Variants in OTUD7A observed in about 807,000 individuals in gnomAD.
OTUD7A encodes the protein OTU deubiquitinase 7A.
In OTUD7A, 12 loss-of-function variants were observed where a neutral mutation model predicts 65.7. That is an observed-to-expected ratio of 0.18 (90% CI 0.12 to 0.30). The LOEUF (loss-of-function observed/expected upper bound fraction) is 0.30. Ranked by LOEUF, OTUD7A falls within the 10% of genes least tolerant of loss-of-function variation. The pLI is 1.00. For synonymous variants in OTUD7A, 641 were observed against 586.3 expected (o/e 1.09, Z -1.35); for missense variants, 1,148 against 1,304.8 (o/e 0.88, Z 1.85).
chr15:31,488,756 A>G (rs1362307181), intron 10 of OTUD7A, among the ~76,000 whole-genome samples: 1 of 152,214 alleles, frequency 6.6e-6, no homozygotes, highest in Non-Finnish European at 1.5e-5. Flanking sequence ...AACTGACTCA[A>G]TGCTGCCCTC....
At chr15:31,604,531 C>G (rs914655848) in intron 3 of OTUD7A, among the ~76,000 whole-genome samples, 1 of 149,562 alleles carries the variant, frequency 6.7e-6, no homozygotes, top group African/African-American at 2.5e-5. Flanking sequence ...CACCATGGCA[C>G]GTGTATACCT....
At chr15:31,603,402 T>G (rs1251536832) in intron 3 of OTUD7A, among the ~76,000 whole-genome samples, 2 of 152,154 alleles carry the variant, frequency 1.3e-5, no homozygotes, top group Non-Finnish European at 2.9e-5. Context: ...TGCAGAAAAC[T>G]GAAACTGGAC....
intron 8 of OTUD7A, among the ~76,000 whole-genome samples, chr15:31,513,747 C>A (rs956547499): frequency 1.3e-5 from 2 of 152,214 alleles, no homozygotes; most frequent in Non-Finnish European, 2.9e-5. Context: ...ACCTGGACCA[C>A]TCCTTAAGGT....
At chr15:31,781,742 T>C (rs1178598197) in intron 1 of OTUD7A, among the ~76,000 whole-genome samples, 2 of 152,224 alleles carry the variant, frequency 1.3e-5, no homozygotes, top group African/African-American at 4.8e-5. Flanking sequence ...TCACCCATCA[T>C]TGACTGATTT....
At chr15:31,686,015 T>C (rs990748271) in intron 1 of OTUD7A, among the ~76,000 whole-genome samples, 14 of 152,220 alleles carry the variant, frequency 9.2e-5, no homozygotes, top group Non-Finnish European at 1.8e-4. Flanking sequence ...CACGGGGGAC[T>C]GTGTCTCTTT....
intron 3 of OTUD7A, among the ~76,000 whole-genome samples, chr15:31,615,285 AAT>A (rs1276556095): frequency 2.6e-5 from 4 of 152,224 alleles, no homozygotes; most frequent in Non-Finnish European, 5.9e-5. Context: ...TGATTTTAAA[AAT>A]ATATCATGCA....
At chr15:31,842,236 G>A (rs1366441682) in intron 1 of OTUD7A, among the ~76,000 whole-genome samples, 2 of 152,242 alleles carry the variant, frequency 1.3e-5, no homozygotes, top group African/African-American at 4.8e-5. Flanking sequence ...GGGGGTATGA[G>A]GGGCTCCTGC....
At chr15:31,631,976 A>C (rs1566952444) in intron 3 of OTUD7A, among the ~76,000 whole-genome samples, 1 of 151,902 alleles carries the variant, frequency 6.6e-6, no homozygotes, top group African/African-American at 2.4e-5. Flanking sequence ...TGATTATTCT[A>C]GTTATCCATT....
chr15:31,809,528 G>C (rs60508614), intron 1 of OTUD7A, among the ~76,000 whole-genome samples: 1 of 152,284 alleles, frequency 6.6e-6, no homozygotes, highest in South Asian at 2.1e-4. Flanking sequence ...AAAAACTTAA[G>C]CATAAACCTG....
At chr15:31,801,118 C>T (rs954665648) in intron 1 of OTUD7A, among the ~76,000 whole-genome samples, 6 of 151,658 alleles carry the variant, frequency 4.0e-5, no homozygotes, top group Non-Finnish European at 8.8e-5. Context: ...TAGATATTCC[C>T]AGAAACTCCA....
intron 1 of OTUD7A, among the ~76,000 whole-genome samples, chr15:31,731,870 A>G (rs1894053831): frequency 6.6e-6 from 1 of 152,210 alleles, no homozygotes; most frequent in African/African-American, 2.4e-5. Context: ...CTGCACTAAA[A>G]GTAAAGTGTA....
chr15:31,757,182 C>T (rs902321194), intron 1 of OTUD7A, among the ~76,000 whole-genome samples: 5 of 152,078 alleles, frequency 3.3e-5, no homozygotes, highest in Non-Finnish European at 7.4e-5. Flanking sequence ...AATCCTGCAC[C>T]TCCTGGTGCT....
intron 3 of OTUD7A, among the ~76,000 whole-genome samples, chr15:31,587,513 C>T (rs908162628): frequency 6.6e-6 from 1 of 151,860 alleles, no homozygotes; most frequent in African/African-American, 2.4e-5. Context: ...TGGTGGCAGG[C>T]GTCTGTAATC....
chr15:31,559,040 C>T lies in OTUD7A; in HGVS notation c.479G>A (p.Ser160Asn). 6.2e-7 allele frequency: 1 copy of T among 1,614,218 alleles called. No individual in the cohort carries two copies. The highest frequency in any genetic ancestry group is 8.5e-7 in the Non-Finnish European group (1 of 1,180,038). ...TFQLPDLSVY[S>N]EDFRSFIERD... ...CTCGATGAAGCTCCTGAAATCCTCGCTGTACACGCTCAGGTCTGGCAACTG... is the reference window on the plus strand; with the variant it reads ...CTCGATGAAGCTCCTGAAATCCTCGTTGTACACGCTCAGGTCTGGCAACTG... The change falls in exon 5 of 13, where the codon AGC becomes AAC. Residue 160 changes from serine to asparagine, a missense_variant. By Grantham distance (46) the Ser-to-Asn change is conservative (BLOSUM62 1). This residue lies in a region of OTUD7A where 134 missense variants were observed against 252.6 expected (regional missense o/e 0.53). Coordinates refer to ENST00000307050, the MANE Select transcript of OTUD7A (RefSeq NM_001382637.1).
intron 1 of OTUD7A, among the ~76,000 whole-genome samples, chr15:31,755,082 A>T (rs199674504): frequency 7.0e-6 from 1 of 142,946 alleles, no homozygotes; most frequent in African/African-American, 2.5e-5. Flanking sequence ...TGTGTGTGTG[A>T]AAGAGAGAAG....
chr15:31,591,207 A>G (rs1426246394), intron 3 of OTUD7A, among the ~76,000 whole-genome samples: 1 of 151,946 alleles, frequency 6.6e-6, no homozygotes, highest in Non-Finnish European at 1.5e-5. Context: ...GGAGTTTGAG[A>G]GATTTGGTGG....
At chr15:31,792,913 A>G (rs866001729) in intron 1 of OTUD7A, among the ~76,000 whole-genome samples, 87 of 152,140 alleles carry the variant, frequency 5.7e-4, no homozygotes, top group African/African-American at 2.0e-3. Flanking sequence ...CCTGCCTGGC[A>G]TGCCTGGGGA....
chr15:31,860,697 A>ATATATG (rs1417556267), intron 1 of OTUD7A, among the ~76,000 whole-genome samples: 2 of 129,760 alleles, frequency 1.5e-5, no homozygotes, highest in African/African-American at 5.6e-5. Flanking sequence ...ATATATATAT[A>ATATATG]TATGTATGTA....
intron 1 of OTUD7A, among the ~76,000 whole-genome samples, chr15:31,713,446 T>C (rs551176982): frequency 3.3e-5 from 5 of 152,130 alleles, no homozygotes; most frequent in Non-Finnish European, 5.9e-5. Flanking sequence ...TGGTGAAACC[T>C]TGTCTCATCT....
Sources: gnomAD v4.1 joint callset for allele counts (sites outside exome capture counted in the v4.1 genomes callset) on GRCh38, gnomAD v4.1.1 for gene constraint, gnomAD v4.1.1 regional missense constraint, MANE v1.5 for transcripts, NCBI Gene and HGNC (gene_info 2026-07-23, HGNC 2026-07-21) for gene names.